The following GRIA3 variants were observed in gnomAD, a reference collection of about 807,000 sequenced individuals.
GRIA3 encodes glutamate ionotropic receptor AMPA type subunit 3.
In GRIA3, 3 loss-of-function variants were observed where a neutral mutation model predicts 63.0. That is an observed-to-expected ratio of 0.05 (90% CI 0.02 to 0.12). The LOEUF is 0.12. GRIA3 is among the 10% of genes least tolerant of loss of function. The probability of loss-of-function intolerance (pLI) is 1.00; values close to 1 mark genes in which losing one functional copy is unlikely to be tolerated. For missense variants in GRIA3, 347 were observed against 700.9 expected (o/e 0.50, Z 5.70); for synonymous variants, 274 against 257.9 (o/e 1.06, Z -0.60).
chrX:123,233,167 C>A (rs760336183), intron 2 of GRIA3, among the ~76,000 whole-genome samples: 24 of 111,323 alleles, frequency 2.2e-4, no homozygotes, highest in African/African-American at 7.5e-4. Context: ...CCTCAGCCTC[C>A]ATCTATTTAG....
At chrX:123,207,645 G>T (rs755163306) in intron 2 of GRIA3, among the ~76,000 whole-genome samples, 70 of 112,015 alleles carry the variant, frequency 6.2e-4, no homozygotes, top group Middle Eastern at 4.6e-3. Context: ...ACTTCAGTGG[G>T]GCTTGGTCCT....
At chrX:123,392,807 T>C (rs1266224314) in intron 5 of GRIA3, among the ~76,000 whole-genome samples, 1 of 112,297 alleles carries the variant, frequency 8.9e-6, no homozygotes, top group Admixed American at 9.4e-5. Flanking sequence ...GGGAGGTGAG[T>C]TCTGGATGCC....
At chrX:123,193,001 T>C (rs1441298106) in intron 2 of GRIA3, among the ~76,000 whole-genome samples, 1 of 110,175 alleles carries the variant, frequency 9.1e-6, no homozygotes. Flanking sequence ...AGGAAAAGGC[T>C]CTCGCAGACC....
In GRIA3 at chrX:123,395,032, T is replaced by C. The variant is rs1355086037; in HGVS notation, c.815T>C (p.Ile272Thr). 8.4e-7 allele frequency: 1 copy of C among 1,194,186 alleles called. No homozygotes were observed. ...HGGANITGFQ[I>T]VNNENPMVQQ... ...GGAGCCAACATTACAGGTTTCCAGATTGTCAACAATGAAAACCCTATGGTT... is the reference window on the plus strand; with the variant it reads ...GGAGCCAACATTACAGGTTTCCAGACTGTCAACAATGAAAACCCTATGGTT... Residue 272 changes from isoleucine (I) to threonine (T), a missense_variant, in exon 6 of 16, where the codon ATT becomes ACT. This residue lies in a region of GRIA3 where 113 missense variants were observed against 130.6 expected (regional missense o/e 0.87). Transcript: ENST00000620443.
chrX:123,338,861 TA>T (rs1301197352), intron 4 of GRIA3, among the ~76,000 whole-genome samples: 1 of 112,601 alleles, frequency 8.9e-6, no homozygotes, highest in Non-Finnish European at 1.9e-5. Context: ...CATCAAACTA[TA>T]TTTTTTAATG....
intron 10 of GRIA3, 66 bp from the exon 11 acceptor site, chrX:123,417,336 A>G: frequency 1.1e-6 from 1 of 949,792 alleles, no homozygotes; most frequent in East Asian, 3.1e-5. Flanking sequence ...ATATTAAGCG[A>G]CAAATAACTG....
chrX:123,430,469 T>C (rs2045611522), intron 12 of GRIA3, among the ~76,000 whole-genome samples: 1 of 111,395 alleles, frequency 9.0e-6, no homozygotes, highest in Non-Finnish European at 1.9e-5. Context: ...AACCTGCTTA[T>C]ACTGAAAATG....
At chrX:123,446,613 G>A (rs963404602) in intron 12 of GRIA3, among the ~76,000 whole-genome samples, 1 of 112,517 alleles carries the variant, frequency 8.9e-6, no homozygotes, top group Non-Finnish European at 1.9e-5. Flanking sequence ...TCTTGCAAGT[G>A]ACTTTAAAAA....
At chrX:123,195,441 C>G (rs1341905100) in intron 2 of GRIA3, among the ~76,000 whole-genome samples, 2 of 111,939 alleles carry the variant, frequency 1.8e-5, no homozygotes, top group Non-Finnish European at 3.8e-5. Flanking sequence ...ATCTTCCTGT[C>G]TCTAGAGGCT....
At chrX:123,459,738 G>GT (rs1284955142) in intron 12 of GRIA3, among the ~76,000 whole-genome samples, 10 of 108,993 alleles carry the variant, frequency 9.2e-5, no homozygotes, top group Non-Finnish European at 1.9e-4. Flanking sequence ...CCCATAAATT[G>GT]TTTAACTTCT....
intron 4 of GRIA3, among the ~76,000 whole-genome samples, chrX:123,337,946 T>G (rs540648367): frequency 1.8e-5 from 2 of 112,097 alleles, no homozygotes; most frequent in Admixed American, 1.9e-4. Flanking sequence ...AAAAAACACC[T>G]TATTTTTGCA....
intron 11 of GRIA3, among the ~76,000 whole-genome samples, chrX:123,425,524 G>A (rs1347948386): frequency 8.9e-6 from 1 of 111,920 alleles, no homozygotes; most frequent in African/African-American, 3.2e-5. Context: ...TCTAGAGTCA[G>A]ATCAGTTCAG....
intron 2 of GRIA3, 30 bp from the exon 3 acceptor site, chrX:123,253,273 T>C (rs1296119570): frequency 8.3e-7 from 1 of 1,205,998 alleles, no homozygotes; most frequent in African/African-American, 1.7e-5. Flanking sequence ...CATGGAGCTA[T>C]TGAATCTTTT....
intron 15 of GRIA3, among the ~76,000 whole-genome samples, chrX:123,483,784 T>C (rs2045925910): frequency 9.0e-6 from 1 of 110,898 alleles, no homozygotes; most frequent in South Asian, 3.9e-4. Flanking sequence ...TACAAAAAAT[T>C]AGGCGGGCAT....
intron 4 of GRIA3, among the ~76,000 whole-genome samples, chrX:123,327,026 C>T (rs1158283663): frequency 6.4e-5 from 7 of 109,343 alleles, no homozygotes; most frequent in African/African-American, 2.3e-4. Flanking sequence ...ATTAACTGGG[C>T]GTGGTGGCGG....
At position 123,465,139 on chromosome X, in the gene GRIA3, G is replaced by A. The variant is rs200387073; in HGVS notation, c.2324+27G>A. 108 of 1,181,427 alleles carry A rather than the reference G, an allele frequency of 9.1e-5. 1 individual carries two copies. Among genetic ancestry groups the A allele is most frequent in the East Asian group, 2.4e-4 (8 of 33,579 alleles). ...TGGGTGGAATAATATAACAATATCC[G>A]TGTTGTTATAGTATTCCACCTACCC... On this transcript the variant is annotated intron_variant, in intron 13 of 15. Transcript: ENST00000620443.
At chrX:123,248,124 G>A (rs1000167679) in intron 2 of GRIA3, among the ~76,000 whole-genome samples, 5 of 112,225 alleles carry the variant, frequency 4.5e-5, no homozygotes, top group Admixed American at 9.4e-5. Flanking sequence ...ATGAATGAAC[G>A]TATTTTAACT....
intron 5 of GRIA3, among the ~76,000 whole-genome samples, chrX:123,367,892 A>G (rs1049857172): frequency 5.3e-5 from 6 of 112,491 alleles, no homozygotes; most frequent in African/African-American, 1.6e-4. Flanking sequence ...TGAGCCAAGG[A>G]CATGAATTAA....
intron 5 of GRIA3, among the ~76,000 whole-genome samples, chrX:123,363,552 T>C (rs766067879): frequency 4.4e-5 from 5 of 112,472 alleles, no homozygotes; most frequent in African/African-American, 6.5e-5. Context: ...TCATGGATGG[T>C]CTGTGTTTGG....
Sources: allele counts gnomAD v4.1 joint callset (sites outside exome capture counted in the v4.1 genomes callset), GRCh38; gene constraint gnomAD v4.1.1; regional missense constraint gnomAD v4.1.1; transcripts MANE v1.5; gene names NCBI Gene and HGNC (gene_info 2026-07-23, HGNC 2026-07-21).